Variants in PCDH15 observed in about 807,000 individuals in gnomAD.
The protein encoded by PCDH15 is protocadherin-15.
A neutral mutation model predicts 178.5 loss-of-function variants in PCDH15; 129 were observed. The observed-to-expected ratio is 0.72, with a 90% CI of 0.63 to 0.84. The LOEUF is 0.84. PCDH15 is among the 40% of genes least tolerant of loss of function. PCDH15 has a pLI of 0.00. For missense variants in PCDH15, 2,230 were observed against 2,099.9 expected, an observed-to-expected ratio of 1.06 and a Z score of -1.21; for synonymous variants, 800 against 732.0, an observed-to-expected ratio of 1.09 and a Z score of -1.50.
At chr10:54,331,514 C>T (rs1408627307) in intron 6 of PCDH15, among the ~76,000 whole-genome samples, 3 of 152,014 alleles carry the variant, frequency 2.0e-5, no homozygotes, top group Non-Finnish European at 2.9e-5. Context: ...GCCTATTCAA[C>T]TTTGCTTATA....
intron 3 of PCDH15, among the ~76,000 whole-genome samples, chr10:54,503,962 G>C (rs1400870666): frequency 6.6e-6 from 1 of 152,112 alleles, no homozygotes; most frequent in Admixed American, 6.6e-5. Context: ...CCTCTTAAAT[G>C]TGAACTGACC....
At chr10:54,280,627 T>C (rs2058638008) in intron 8 of PCDH15, among the ~76,000 whole-genome samples, 1 of 151,824 alleles carries the variant, frequency 6.6e-6, no homozygotes, top group South Asian at 2.1e-4. Flanking sequence ...TATGAGGCCT[T>C]TGTTCGTTTC....
exon 2 of PCDH15, chr10:55,166,582 G>A (rs1386205971): frequency 1.3e-5 from 2 of 152,114 alleles, no homozygotes; most frequent in Non-Finnish European, 2.9e-5. Context: ...TCACCCTAGT[G>A]TCGTGTCCTT....
At chr10:54,502,496 C>T (rs951297404) in intron 3 of PCDH15, among the ~76,000 whole-genome samples, 2 of 151,976 alleles carry the variant, frequency 1.3e-5, no homozygotes, top group South Asian at 2.1e-4. Flanking sequence ...GCATCTTTTT[C>T]TGCTTCTTTT....
At chr10:55,569,449 T>A (rs2132108074) in intron 2 of PCDH15, among the ~76,000 whole-genome samples, 2 of 152,092 alleles carry the variant, frequency 1.3e-5, no homozygotes, top group East Asian at 3.9e-4. Context: ...CAAAAAGTGT[T>A]CATTTATTCA....
At chr10:54,645,337 G>A (rs1174112425) in intron 2 of PCDH15, among the ~76,000 whole-genome samples, 1 of 151,932 alleles carries the variant, frequency 6.6e-6, no homozygotes, top group Non-Finnish European at 1.5e-5. Context: ...GAGAGAAATG[G>A]TAAATAGAAA....
chr10:53,862,146 G>C (rs2079146164), intron 27 of PCDH15, among the ~76,000 whole-genome samples: 1 of 151,800 alleles, frequency 6.6e-6, no homozygotes, highest in Non-Finnish European at 1.5e-5. Context: ...CTGCCTCCTG[G>C]GTTCAAGCAA....
At chr10:54,798,871 A>T (rs1952341276) in intron 1 of PCDH15, among the ~76,000 whole-genome samples, 1 of 152,126 alleles carries the variant, frequency 6.6e-6, no homozygotes. Context: ...ATTGTTTTAC[A>T]CCATTTAAGT....
At chr10:55,404,733 A>G (rs1838157306) in intron 2 of PCDH15, among the ~76,000 whole-genome samples, 1 of 151,980 alleles carries the variant, frequency 6.6e-6, no homozygotes. Context: ...GTATAAAAAT[A>G]TAGATGCTTA....
intron 15 of PCDH15, among the ~76,000 whole-genome samples, chr10:54,092,764 T>C (rs2094621903): frequency 6.6e-6 from 1 of 152,160 alleles, no homozygotes. Context: ...GAATTATATC[T>C]GGAGACTATA....
intron 13 of PCDH15, among the ~76,000 whole-genome samples, chr10:54,172,820 A>G (rs1225655565): frequency 2.6e-5 from 4 of 152,298 alleles, no homozygotes; most frequent in Non-Finnish European, 5.9e-5. Context: ...AAATGCAAGC[A>G]CCTAAGCATT....
chr10:54,393,503 G>A (rs1950812661), intron 3 of PCDH15, among the ~76,000 whole-genome samples: 1 of 152,128 alleles, frequency 6.6e-6, no homozygotes, highest in Admixed American at 6.5e-5. Context: ...ACAAGTATTG[G>A]AATGGGAGGC....
intron 2 of PCDH15, among the ~76,000 whole-genome samples, chr10:55,036,409 C>T (rs1400747006): frequency 6.6e-6 from 1 of 152,152 alleles, no homozygotes; most frequent in East Asian, 1.9e-4. Context: ...ACAATTTCCC[C>T]AGATAAGACA....
intron 2 of PCDH15, among the ~76,000 whole-genome samples, chr10:55,425,207 T>G (rs980903593): frequency 6.6e-6 from 1 of 151,908 alleles, no homozygotes; most frequent in Non-Finnish European, 1.5e-5. Context: ...TAATTATAAT[T>G]TATTATGTGA....
intron 18 of PCDH15, among the ~76,000 whole-genome samples, chr10:54,037,558 T>C (rs1236440093): frequency 6.6e-6 from 1 of 151,922 alleles, no homozygotes; most frequent in Admixed American, 6.6e-5. Flanking sequence ...ACAATGCTAA[T>C]TGCAGTATGG....
At chr10:54,281,240 C>A (rs1050411076) in intron 8 of PCDH15, among the ~76,000 whole-genome samples, 13 of 151,810 alleles carry the variant, frequency 8.6e-5, no homozygotes, top group African/African-American at 1.5e-4. Flanking sequence ...GAACTTATAA[C>A]CCTTAAAAAC....
chr10:54,037,248 A>G (rs779998610), intron 18 of PCDH15, among the ~76,000 whole-genome samples: 10 of 151,992 alleles, frequency 6.6e-5, no homozygotes, highest in Non-Finnish European at 1.5e-4. Flanking sequence ...ATTGACTCCA[A>G]TTCTGAAAAA....
At position 54,823,694 on chromosome 10, in the gene PCDH15, T is replaced by A. The variant is rs140789588; in HGVS notation, c.-29+73756A>T. ...TGTCAGTGAAAAATAAGCCAAGTGA[T>A]AACAAATCTTGTACCCATTGGTGCT... On this transcript the variant is annotated intron_variant, in intron 3 of 5. Coordinates refer to the PCDH15 transcript ENST00000458638. 9.5e-4 allele frequency among the ~76,000 whole-genome samples: 145 copies of A among 152,220 alleles called. 2 individuals carry two copies. In the East Asian group the frequency reaches 0.026, roughly 27 times the overall value.
intron 31 of PCDH15, among the ~76,000 whole-genome samples, chr10:53,828,247 A>T (rs79302491): frequency 6.9e-6 from 1 of 144,908 alleles, no homozygotes. Flanking sequence ...AAAAATTCCT[A>T]GGAATGCCTG....
Sources: gnomAD v4.1 joint callset for allele counts (sites outside exome capture counted in the v4.1 genomes callset) on GRCh38, gnomAD v4.1.1 for gene constraint, MANE v1.5 for transcripts, NCBI Gene and HGNC (gene_info 2026-07-23, HGNC 2026-07-21) for gene names.